Variants in TRAK1 observed in about 807,000 individuals in gnomAD.
The protein encoded by TRAK1 is trafficking kinesin protein 1, also known as trafficking kinesin-binding protein 1.
Under a neutral mutation model 92.1 loss-of-function variants are expected in TRAK1, and 33 were observed. The ratio of observed to expected loss-of-function variants is 0.36; its 90% confidence interval spans 0.27 to 0.48. The LOEUF (loss-of-function observed/expected upper bound fraction) is 0.48, where lower values mean the gene tolerates loss of function less well. Ranked by LOEUF, TRAK1 falls within the 20% of genes least tolerant of loss-of-function variation. The pLI, the probability that TRAK1 is intolerant of heterozygous loss-of-function variation, is 0.99. For missense variants in TRAK1, 1,123 were observed against 1,257.9 expected (o/e 0.89, Z 1.62); for synonymous variants, 521 against 517.3 (o/e 1.01, Z -0.10).
At chr3:42,013,538 C>T (rs1257036621), upstream of TRAK1, among the ~76,000 whole-genome samples, 1 of 135,680 alleles carries the variant, frequency 7.4e-6, no homozygotes, top group Admixed American at 7.4e-5. This position sits in a 1 kb window ranked among gnomAD's most constrained non-coding sequence, Gnocchi z 5.1. Context: ...TCCTGGAGGG[C>T]GGCCCGCAGG....
intron 3 of TRAK1, among the ~76,000 whole-genome samples, chr3:42,183,065 A>C (rs1035553216): frequency 6.6e-6 from 1 of 152,228 alleles, no homozygotes; most frequent in Non-Finnish European, 1.5e-5. Flanking sequence ...AACACAGCTT[A>C]GGTTGTGACC....
chr3:42,072,284 C>G (rs1703965122), intron 1 of TRAK1, among the ~76,000 whole-genome samples: 1 of 152,140 alleles, frequency 6.6e-6, no homozygotes, highest in Non-Finnish European at 1.5e-5. Flanking sequence ...TTTTGAATGT[C>G]TGACTCAGCT....
chr3:42,040,557 C>T (rs1702494219), intron 1 of TRAK1, among the ~76,000 whole-genome samples: 1 of 152,130 alleles, frequency 6.6e-6, no homozygotes, highest in Admixed American at 6.6e-5. Context: ...CTGTTCTTTC[C>T]ATATTGAGTT....
chr3:42,061,816 G>A (rs145926296), intron 1 of TRAK1, among the ~76,000 whole-genome samples: 21 of 152,242 alleles, frequency 1.4e-4, no homozygotes, highest in African/African-American at 5.1e-4. Context: ...CCATCTGCAT[G>A]GATTTGAGCT....
intron 2 of TRAK1, among the ~76,000 whole-genome samples, chr3:42,156,858 T>A (rs1313438288): frequency 6.6e-6 from 1 of 152,106 alleles, no homozygotes; most frequent in African/African-American, 2.4e-5. Context: ...CTTTAAAAAT[T>A]ACCGATGGGG....
chr3:42,023,084 G>A (rs1701780611), intron 1 of TRAK1, among the ~76,000 whole-genome samples: 1 of 147,592 alleles, frequency 6.8e-6, no homozygotes, highest in African/African-American at 2.5e-5. Flanking sequence ...CGTGAACACG[G>A]GAGGCAGAGG....
chr3:42,142,471 C>T (rs545488089), intron 2 of TRAK1, among the ~76,000 whole-genome samples: 13 of 152,308 alleles, frequency 8.5e-5, no homozygotes, highest in Admixed American at 3.3e-4. Context: ...CTGGCCAATC[C>T]GTCACCTTAC....
At chr3:42,189,982 G>T (rs185035471) in intron 6 of TRAK1, among the ~76,000 whole-genome samples, 1 of 152,044 alleles carries the variant, frequency 6.6e-6, no homozygotes, top group African/African-American at 2.4e-5. Context: ...CTGAAAGCTC[G>T]TTACTTTGAT....
intron 1 of TRAK1, among the ~76,000 whole-genome samples, chr3:42,016,163 T>C (rs977645722): frequency 7.9e-5 from 12 of 152,168 alleles, no homozygotes; most frequent in African/African-American, 2.4e-4. Context: ...AGGTTTGCCA[T>C]CTTAAGTGGA....
intron 1 of TRAK1, among the ~76,000 whole-genome samples, chr3:42,052,170 A>C (rs909017599): frequency 2.0e-5 from 3 of 152,236 alleles, no homozygotes; most frequent in Non-Finnish European, 4.4e-5. Context: ...CCTGTGCTGA[A>C]CAGTCCATTG....
intron 15 of TRAK1, 139 bp from the exon 16 acceptor site, chr3:42,222,803 C>G (rs1294210901): frequency 2.9e-5 from 24 of 818,578 alleles, no homozygotes; most frequent in Middle Eastern, 3.6e-4. Flanking sequence ...GTGGACAGAG[C>G]CTTTGGGGGC....
At chr3:42,078,307 A>C (rs1042783496) in intron 1 of TRAK1, among the ~76,000 whole-genome samples, 1 of 152,196 alleles carries the variant, frequency 6.6e-6, no homozygotes, top group African/African-American at 2.4e-5. Flanking sequence ...GCACGGATCT[A>C]GATACTTCTG....
At chr3:42,095,457 G>A (rs1705766019) in intron 1 of TRAK1, among the ~76,000 whole-genome samples, 1 of 151,998 alleles carries the variant, frequency 6.6e-6, no homozygotes, top group Non-Finnish European at 1.5e-5. Flanking sequence ...ACATGCACGT[G>A]GTAAAACTTG....
At chr3:42,107,381 G>A (rs1707721217) in intron 1 of TRAK1, among the ~76,000 whole-genome samples, 1 of 152,110 alleles carries the variant, frequency 6.6e-6, no homozygotes, top group Non-Finnish European at 1.5e-5. Flanking sequence ...GCGTGGTGGT[G>A]CGTGCCTGTA....
intron 7 of TRAK1, among the ~76,000 whole-genome samples, 157 bp downstream of exon 7, chr3:42,191,793 CCTCT>C (rs1705778095): frequency 6.6e-6 from 1 of 151,938 alleles, no homozygotes; most frequent in African/African-American, 2.4e-5. Flanking sequence ...TGTGGCACCC[CCTCT>C]CTATTATTTA....
intron 1 of TRAK1, among the ~76,000 whole-genome samples, chr3:42,040,680 CT>C (rs569797970): frequency 2.0e-3 from 280 of 142,744 alleles, no homozygotes; most frequent in Admixed American, 3.0e-3. Context: ...AGTACTACAC[CT>C]TTTTTTTTTT....
chr3:42,131,239 C>T (rs1214433244), intron 2 of TRAK1, among the ~76,000 whole-genome samples: 2 of 152,078 alleles, frequency 1.3e-5, no homozygotes, highest in South Asian at 2.1e-4. Flanking sequence ...TGAGCAGGGC[C>T]GACACAGTGG....
At chr3:42,078,967 C>G (rs556184984) in intron 1 of TRAK1, among the ~76,000 whole-genome samples, 13 of 152,224 alleles carry the variant, frequency 8.5e-5, no homozygotes, top group Non-Finnish European at 1.3e-4. Flanking sequence ...TGACGGCCAG[C>G]AGGAAACAGG....
intron 1 of TRAK1, among the ~76,000 whole-genome samples, chr3:42,081,005 G>A (rs923667010): frequency 6.6e-6 from 1 of 152,036 alleles, no homozygotes; most frequent in African/African-American, 2.4e-5. Context: ...CTCCCTAGTA[G>A]CAGGGACCAC....
Sources: gnomAD v4.1 joint callset for allele counts (sites outside exome capture counted in the v4.1 genomes callset) on GRCh38, gnomAD v4.1.1 for gene constraint, Gnocchi (gnomAD v3.1) non-coding constraint, MANE v1.5 for transcripts, NCBI Gene and HGNC (gene_info 2026-07-23, HGNC 2026-07-21) for gene names.